Variants in SASH1 observed in about 807,000 individuals in gnomAD.
The protein encoded by SASH1 is SAM and SH3 domain-containing protein 1.
In SASH1, 44 loss-of-function variants were observed where a neutral mutation model predicts 125.2. That is an observed-to-expected ratio of 0.35 (90% confidence interval 0.28 to 0.45). The LOEUF is 0.45. Ranked by LOEUF, SASH1 falls within the 20% of genes least tolerant of loss-of-function variation. The pLI is 1.00. For synonymous variants in SASH1, 639 were observed against 649.1 expected, an observed-to-expected ratio of 0.98 and a Z score of 0.24; for missense variants, 1,426 against 1,614.5, an observed-to-expected ratio of 0.88 and a Z score of 2.00.
intron 8 of SASH1, among the ~76,000 whole-genome samples, chr6:148,501,938 T>TAA: frequency 6.6e-6 from 1 of 152,208 alleles, no homozygotes; most frequent in Non-Finnish European, 1.5e-5. Flanking sequence ...TTGCAGTTGA[T>TAA]TAGGGAACAT....
chr6:148,320,543 A>G (rs1466111602), intron 1 of SASH1, among the ~76,000 whole-genome samples: 5 of 152,234 alleles, frequency 3.3e-5, no homozygotes, highest in Admixed American at 3.3e-4. Context: ...GAAGATTACC[A>G]TCCCAAAGAG....
chr6:148,422,636 T>C (rs1324543603), intron 2 of SASH1, among the ~76,000 whole-genome samples: 1 of 152,250 alleles, frequency 6.6e-6, no homozygotes, highest in Non-Finnish European at 1.5e-5. Context: ...AATGGGTATT[T>C]TAAATTTCAT....
In SASH1 at chr6:148,529,798, TTTTTTTTTTG is replaced by T. The variant is rs1562487449; in HGVS notation, c.1429-1722_1429-1713del. Among the ~76,000 whole-genome samples, 1 of 146,012 alleles carries T rather than the reference TTTTTTTTTTG, an allele frequency of 6.8e-6. No homozygotes were observed. The highest frequency in any genetic ancestry group is 2.6e-5 in the African/African-American group (1 of 38,650). On this transcript the variant is annotated intron_variant, in intron 12 of 19. Coordinates refer to ENST00000367467, the MANE Select transcript of SASH1 (RefSeq NM_015278.5). The surrounding 1 kb of genome is among the most constrained non-coding windows in gnomAD (Gnocchi z 4.2). ...AATAATGGAAGGTTTTATGTGGTTG[TTTTTTTTTTG>T]TTTTTGTTTTTGTTTTGAGACGGAG...
chr6:148,296,742 T>G (rs756381314), intron 1 of SASH1, among the ~76,000 whole-genome samples: 14 of 152,150 alleles, frequency 9.2e-5, no homozygotes, highest in Non-Finnish European at 2.1e-4. Context: ...ATCCCTTCGG[T>G]GCGGCAGTTT....
intron 2 of SASH1, among the ~76,000 whole-genome samples, chr6:148,436,661 A>G (rs1195041601): frequency 3.9e-5 from 6 of 152,204 alleles, no homozygotes; most frequent in African/African-American, 1.2e-4. Context: ...GCTTCCAGAC[A>G]TTTGAGTGAG....
the SASH1 span, among the ~76,000 whole-genome samples, chr6:148,213,438 C>T: frequency 6.6e-6 from 1 of 151,642 alleles, no homozygotes; most frequent in African/African-American, 2.4e-5. Context: ...AAGATTATTT[C>T]AATTAATATG....
intron 1 of SASH1, among the ~76,000 whole-genome samples, chr6:148,354,146 T>C (rs1312960351): frequency 2.6e-5 from 4 of 151,916 alleles, no homozygotes; most frequent in Non-Finnish European, 5.9e-5. Context: ...GCCTGGGTGA[T>C]GGAGCAAGAC....
chr6:148,424,779 C>T (rs547505466), intron 2 of SASH1, among the ~76,000 whole-genome samples: 4 of 152,282 alleles, frequency 2.6e-5, no homozygotes, highest in South Asian at 2.1e-4. Context: ...ACCTGCAGGC[C>T]ACTGAATCTG....
At chr6:148,521,314 A>G (rs1583295073) in intron 10 of SASH1, among the ~76,000 whole-genome samples, 1 of 152,382 alleles carries the variant, frequency 6.6e-6, no homozygotes, top group African/African-American at 2.4e-5. Flanking sequence ...CTGAAAGAAT[A>G]GAGTGTCCTT....
the SASH1 span, among the ~76,000 whole-genome samples, chr6:148,206,651 G>A: frequency 3.9e-5 from 6 of 151,906 alleles, no homozygotes; most frequent in Non-Finnish European, 8.8e-5. Context: ...TTTGCCAGGG[G>A]TGATGGTAGG....
Position 148,298,756 on chromosome 6 carries a change from A to AGAAGAGAG in SASH1, n.74+26379_74+26380insGAAGAGAG, listed in dbSNP as rs1554231139. Among the ~76,000 whole-genome samples, 689 of 122,328 alleles carry AGAAGAGAG rather than the reference A, an allele frequency of 5.6e-3. 25 individuals carry two copies. Among genetic ancestry groups the AGAAGAGAG allele is most frequent in the Middle Eastern group, 9.6e-3 (2 of 208 alleles). 80.3% of individuals were successfully genotyped at this position (122,328 alleles called of 152,430 possible). A position where few individuals can be genotyped will look rare whatever the true frequency, so the allele number is the denominator to read the frequency against. On this transcript the variant is annotated intron_variant and non_coding_transcript_variant, in intron 1 of 3. Coordinates refer to the SASH1 transcript ENST00000367469. ...GAGGGAGGGAGGGAAAGGAAGGAAG[A>AGAAGAGAG]AAAGAGAGAAAGAAAAAAGAAAGAA... is the stretch of plus-strand genomic sequence containing the variant.
Position 148,307,024 on chromosome 6 carries a change from T to TTTTCTTTCTTTC in SASH1, n.74+34709_74+34720dup, listed in dbSNP as rs55686327. Among the ~76,000 whole-genome samples, 385 of 120,764 alleles carry TTTTCTTTCTTTC rather than the reference T, an allele frequency of 3.2e-3. 4 individuals carry two copies. Among genetic ancestry groups the TTTTCTTTCTTTC allele is most frequent in the East Asian group, 5.4e-3 (21 of 3,918 alleles). The allele number at this position is 120,764 out of a possible 152,430, so 79.2% of individuals were successfully genotyped here. Reference sequence around the variant, plus strand: ...TCAGCACAACCTACCTTTCTCTTTCTTTTCTTTCTTTCTTTCTTTCTTTCT... The same window carrying TTTTCTTTCTTTC: ...TCAGCACAACCTACCTTTCTCTTTCTTTTCTTTCTTTCTTTCTTTCTTTCTTTCTTTCTTTCT... On this transcript the variant is annotated intron_variant and non_coding_transcript_variant, in intron 1 of 3. Transcript: ENST00000367469.
chr6:148,505,449 G>T (rs1779743926), intron 8 of SASH1, among the ~76,000 whole-genome samples: 1 of 152,098 alleles, frequency 6.6e-6, no homozygotes, highest in African/African-American at 2.4e-5. Flanking sequence ...GAGTAGCTGG[G>T]ATTACAGATG....
intron 4 of SASH1, among the ~76,000 whole-genome samples, chr6:148,463,433 C>T (rs573427157): frequency 2.4e-4 from 37 of 152,240 alleles, no homozygotes; most frequent in Non-Finnish European, 4.7e-4. Context: ...TCAGACACTG[C>T]GCCCAGCTGC....
intron 1 of SASH1, among the ~76,000 whole-genome samples, chr6:148,285,895 G>T (rs578112334): frequency 3.3e-5 from 5 of 152,038 alleles, no homozygotes; most frequent in Non-Finnish European, 5.9e-5. Flanking sequence ...GAAGTCTCTG[G>T]TTGCTTGCAT....
chr6:148,522,314 A>G (rs1386550759), intron 10 of SASH1, among the ~76,000 whole-genome samples: 1 of 144,676 alleles, frequency 6.9e-6, no homozygotes, highest in African/African-American at 2.7e-5. Context: ...GAGAATGTAA[A>G]TAAGTGTTCT....
intron 1 of SASH1, among the ~76,000 whole-genome samples, chr6:148,383,873 A>C (rs1328696253): frequency 6.6e-6 from 1 of 152,198 alleles, no homozygotes; most frequent in Non-Finnish European, 1.5e-5. Context: ...ACAGCAGTCC[A>C]CCCAATCTGA....
At chr6:148,263,028 T>C in the SASH1 span, among the ~76,000 whole-genome samples, 5,665 of 152,116 alleles carry the variant, frequency 0.037, 232 homozygotes, top group Admixed American at 0.097. Flanking sequence ...GCAATGGAGA[T>C]GCAAGTTTTG....
At chr6:148,263,391 T>C in the SASH1 span, among the ~76,000 whole-genome samples, 2 of 152,224 alleles carry the variant, frequency 1.3e-5, no homozygotes, top group African/African-American at 2.4e-5. Context: ...CAAACAGACC[T>C]GGGCCCACTG....
Sources: gnomAD v4.1 joint callset for allele counts (sites outside exome capture counted in the v4.1 genomes callset) on GRCh38, gnomAD v4.1.1 for gene constraint, Gnocchi (gnomAD v3.1) non-coding constraint, MANE v1.5 for transcripts, NCBI Gene and HGNC (gene_info 2026-07-23, HGNC 2026-07-21) for gene names.